CDH20: variants seen among roughly 807,000 people sequenced by gnomAD.
CDH20 encodes cadherin-20.
In CDH20, 29 loss-of-function variants were observed where a neutral mutation model predicts 74.2. The observed-to-expected ratio is 0.39, with a 90% CI of 0.29 to 0.53. The LOEUF (loss-of-function observed/expected upper bound fraction) is 0.53, where lower values mean the gene tolerates loss of function less well. Among genes scored for constraint, CDH20 ranks in the 20% least tolerant of loss-of-function variants. CDH20 has a pLI of 0.69. For synonymous variants in CDH20, 469 were observed against 405.4 expected (o/e 1.16, Z -1.88); for missense variants, 988 against 1,048.3 (o/e 0.94, Z 0.79).
At chr18:61,336,256 T>C (rs1317836112) in intron 1 of CDH20, among the ~76,000 whole-genome samples, 1 of 152,228 alleles carries the variant, frequency 6.6e-6, no homozygotes, top group African/African-American at 2.4e-5. Context: ...CTCCCTGAGA[T>C]AGCCCAGAGG....
At chr18:61,366,990 G>A (rs1910883306) in intron 1 of CDH20, among the ~76,000 whole-genome samples, 1 of 152,116 alleles carries the variant, frequency 6.6e-6, no homozygotes, top group African/African-American at 2.4e-5. Flanking sequence ...GTCCATCTGT[G>A]GTATGACTTA....
chr18:61,396,808 T>G (rs908661785), intron 1 of CDH20, among the ~76,000 whole-genome samples: 1 of 152,208 alleles, frequency 6.6e-6, no homozygotes, highest in Non-Finnish European at 1.5e-5. Flanking sequence ...AAACAGCAAC[T>G]CTGCTTTTCC....
rs1472027632 is a variant in CDH20, at chr18:61,490,640, G to A, written c.87G>A (p.Thr29=). 10 of 1,613,888 alleles carry A rather than the reference G, an allele frequency of 6.2e-6. No homozygotes were observed. Among genetic ancestry groups the A allele is most frequent in the Middle Eastern group, 1.6e-4 (1 of 6,084 alleles). The change falls in exon 2 of 12, where the codon ACG becomes ACA. Residue 29 remains threonine, a synonymous_variant. Transcript: ENST00000262717. ...ACTTCTGGGGGCTGATGGACCTTACGACCACCGTTCTCTCGGACACCCCAA... is the reference window on the plus strand; with the variant it reads ...ACTTCTGGGGGCTGATGGACCTTACAACCACCGTTCTCTCGGACACCCCAA... ...SLYFWGLMDL[T]TTVLSDTPTP...
chr18:61,445,307 A>AC (rs79060041), intron 1 of CDH20, among the ~76,000 whole-genome samples: 3 of 112,710 alleles, frequency 2.7e-5, no homozygotes, highest in African/African-American at 6.6e-5. Flanking sequence ...CCATTTACAC[A>AC]AAAAAAATCC....
chr18:61,525,666 A>C (rs1193918790), intron 6 of CDH20, among the ~76,000 whole-genome samples: 3 of 152,158 alleles, frequency 2.0e-5, no homozygotes, highest in Non-Finnish European at 4.4e-5. Context: ...TATGTCTGCT[A>C]CTAAGTAAAT....
At chr18:61,385,174 A>G (rs779981840) in intron 1 of CDH20, among the ~76,000 whole-genome samples, 12 of 152,212 alleles carry the variant, frequency 7.9e-5, no homozygotes, top group Non-Finnish European at 1.8e-4. Context: ...CAACTTTAAC[A>G]TAATAAACTA....
rs1913536683 is a variant in CDH20, at chr18:61,554,191, G to A, written c.1902G>A (p.Val634=). The change falls in exon 12 of 12, where the codon GTG becomes GTA. Residue 634 remains valine, a splice_region_variant and synonymous_variant. Transcript: ENST00000262717. ...CACTCTCCTTTTTGTTCCTGGCAGT[G>A]CTGGTGTTGCTCATTTTGTCCATGA... ...AILACIFVLL[V]LVLLILSMRR... The A allele has an allele frequency of 1.2e-6, 2 of 1,608,164 alleles. No homozygotes were observed. Among genetic ancestry groups the A allele is most frequent in the African/African-American group, 1.3e-5 (1 of 74,834 alleles).
At position 61,490,577 on chromosome 18, in the gene CDH20, C is replaced by T. The variant is rs1217159462; in HGVS notation, c.24C>T (p.Ser8=). 1.9e-6 allele frequency: 3 copies of T among 1,613,934 alleles called. No homozygotes were observed. Among genetic ancestry groups the T allele is most frequent in the African/African-American group, 2.7e-5 (2 of 74,908 alleles). Residue 8 remains serine (S), a synonymous_variant, in exon 2 of 12, where the codon AGC becomes AGT. Coordinates refer to ENST00000262717, the MANE Select transcript of CDH20 (RefSeq NM_031891.4). ...CCATGTGGACTTCTGGTAGAATGAG[C>T]AATGCAAAGAACTGGCTTGGACTTG... The part of the protein sequence containing the change: MWTSGRM[S]NAKNWLGLGM...
At chr18:61,521,546 AG>A (rs760874267) in intron 6 of CDH20, among the ~76,000 whole-genome samples, 19 of 151,368 alleles carry the variant, frequency 1.3e-4, no homozygotes, top group Non-Finnish European at 2.1e-4. Flanking sequence ...CAGTACAAAA[AG>A]AGGAACTCCA....
intron 1 of CDH20, among the ~76,000 whole-genome samples, chr18:61,357,402 TC>T (rs1365226224): frequency 8.6e-5 from 13 of 151,984 alleles, no homozygotes; most frequent in Non-Finnish European, 8.8e-5. Flanking sequence ...GAGGGTTTTT[TC>T]CCCCCTCCTA....
Position 61,428,204 on chromosome 18 carries a change from A to G in CDH20, c.-152-62198A>G, listed in dbSNP as rs117392557. Among the ~76,000 whole-genome samples the G allele has an allele frequency of 1.5e-3, 230 of 152,286 alleles. 6 individuals carry two copies. The East Asian group carries it at 0.042, about 28-fold the overall frequency. Reference sequence around the variant, plus strand: ...AAGTAATCCTTTTTACCTGCTGAGTATAGGGTGGGGAGGTGTCAGGGTGGT... The same window carrying G: ...AAGTAATCCTTTTTACCTGCTGAGTGTAGGGTGGGGAGGTGTCAGGGTGGT... On this transcript the variant is annotated intron_variant, in intron 1 of 11. Transcript: ENST00000262717.
intron 1 of CDH20, among the ~76,000 whole-genome samples, chr18:61,417,563 C>T (rs1413750653): frequency 1.1e-5 from 1 of 90,208 alleles, no homozygotes; most frequent in African/African-American, 4.9e-5. Flanking sequence ...TATGTTCTTA[C>T]TCAGATGTGG....
At chr18:61,358,074 C>T (rs529158954) in intron 1 of CDH20, among the ~76,000 whole-genome samples, 5 of 152,002 alleles carry the variant, frequency 3.3e-5, no homozygotes, top group African/African-American at 7.2e-5. Context: ...AGTCTCATCC[C>T]ACCTCCAATC....
chr18:61,510,363 T>G (rs891720303), intron 6 of CDH20, among the ~76,000 whole-genome samples: 2 of 151,984 alleles, frequency 1.3e-5, no homozygotes, highest in Non-Finnish European at 2.9e-5. Context: ...AGGGATGGAG[T>G]GATCACCTGT....
At chr18:61,358,467 AT>A (rs1446549389) in intron 1 of CDH20, among the ~76,000 whole-genome samples, 2 of 151,836 alleles carry the variant, frequency 1.3e-5, no homozygotes, top group Non-Finnish European at 2.9e-5. Flanking sequence ...GAAATATTTT[AT>A]TGTTTTTCTT....
intron 1 of CDH20, among the ~76,000 whole-genome samples, chr18:61,363,017 C>T (rs1257922134): frequency 6.6e-6 from 1 of 152,036 alleles, no homozygotes; most frequent in Non-Finnish European, 1.5e-5. Context: ...TGTCTTCTTG[C>T]CATCATCGTG....
intron 1 of CDH20, among the ~76,000 whole-genome samples, chr18:61,399,832 T>C (rs1173770928): frequency 6.6e-6 from 1 of 152,248 alleles, no homozygotes; most frequent in Non-Finnish European, 1.5e-5. Flanking sequence ...AAGGCAAAGC[T>C]GGTTATGACT....
intron 1 of CDH20, among the ~76,000 whole-genome samples, chr18:61,443,462 G>A (rs1267639142): frequency 6.6e-6 from 1 of 152,136 alleles, no homozygotes; most frequent in Admixed American, 6.6e-5. Context: ...ACAACGGTAT[G>A]CAGGCCAAAG....
chr18:61,493,276 A>G (rs1360925105), intron 2 of CDH20, among the ~76,000 whole-genome samples: 1 of 152,048 alleles, frequency 6.6e-6, no homozygotes, highest in Non-Finnish European at 1.5e-5. Flanking sequence ...GGTCATGACC[A>G]TGATCCTTTG....
Sources: allele counts gnomAD v4.1 joint callset (sites outside exome capture counted in the v4.1 genomes callset), GRCh38; gene constraint gnomAD v4.1.1; transcripts MANE v1.5; gene names NCBI Gene and HGNC (gene_info 2026-07-23, HGNC 2026-07-21).